STKLD1: variants seen among roughly 807,000 people sequenced by gnomAD.
The protein encoded by STKLD1 is serine/threonine kinase-like domain-containing protein STKLD1.
Under a neutral mutation model 80.4 loss-of-function variants are expected in STKLD1, and 79 were observed. That is an observed-to-expected ratio of 0.98 (90% CI 0.82 to 1.19). The LOEUF is 1.19. STKLD1 is among the 50% of genes most tolerant of loss of function. STKLD1 has a pLI of 0.00. For missense variants in STKLD1, 841 were observed against 856.0 expected (o/e 0.98, Z 0.22); for synonymous variants, 393 against 357.6 (o/e 1.10, Z -1.12).
rs782114570 is a variant in STKLD1, at chr9:133,390,831, G to A, written c.583+35G>A. On this transcript the variant is annotated intron_variant, in intron 7 of 17. Coordinates refer to ENST00000371957, the MANE Select transcript of STKLD1 (RefSeq NM_153710.5). This position sits in a 1 kb window ranked among gnomAD's most constrained non-coding sequence, Gnocchi z 5.1. ...GCTCCCCCAGGTTGTGGGAGAGGGG[G>A]TTGGCGCCTAGAATCCAGGCGGCGT... The A allele has an allele frequency of 2.6e-6, 4 of 1,563,062 alleles. No homozygotes were observed. The African/African-American group carries it at 4.1e-5, about 16-fold the overall frequency.
chr9:133,395,734 G>C lies in STKLD1; in HGVS notation c.837G>C (p.Gln279His), dbSNP rs1564381698. 5 of 1,613,550 alleles carry C rather than the reference G, an allele frequency of 3.1e-6. No homozygotes were observed. Among genetic ancestry groups the C allele is most frequent in the Non-Finnish European group, 4.2e-6 (5 of 1,180,002 alleles). ...TFRNLLPLML[Q>H]IDPSDRITIK... The stretch of plus-strand genomic sequence containing the variant: ...GGAATCTTCTGCCCTTGATGCTCCA[G>C]ATCGACCCCTCGGATCGAATAACGA... Residue 279 changes from glutamine to histidine, a missense_variant, in exon 9 of 18, where the codon CAG becomes CAC. Physicochemically the swap from Gln to His is conservative, Grantham distance 24. Transcript: ENST00000371957.
chr9:133,378,265 C>T (rs974460947), intron 1 of STKLD1, among the ~76,000 whole-genome samples: 2 of 152,180 alleles, frequency 1.3e-5, no homozygotes, highest in African/African-American at 2.4e-5. Flanking sequence ...TCCGAGAGTC[C>T]CTAGGCTCAG....
intron 4 of STKLD1, 129 bp from the exon 5 acceptor site, chr9:133,387,318 C>G (rs1838286061): frequency 1.5e-6 from 1 of 654,794 alleles, no homozygotes; most frequent in Admixed American, 2.8e-5. Flanking sequence ...CTTGTAGCCC[C>G]CTCCAGTGGG....
chr9:133,404,865 C>G lies in STKLD1; in HGVS notation c.1809C>G (p.Leu603=). ...GLSLIKETYQ[L]HRDDPEVVEN... Reference sequence around the variant, plus strand: ...GCCTCATCAAGGAGACCTACCAGCTCCACAGGGACGACCCGGAGGTGGTGG... The same window carrying G: ...GCCTCATCAAGGAGACCTACCAGCTGCACAGGGACGACCCGGAGGTGGTGG... The change falls in exon 17 of 18, where the codon CTC becomes CTG. Residue 603 remains leucine (L), a synonymous_variant. Transcript: ENST00000371957. The G allele has an allele frequency of 6.2e-7, 1 of 1,613,244 alleles. No individual in the cohort carries two copies. Among genetic ancestry groups the G allele is most frequent in the Non-Finnish European group, 8.5e-7 (1 of 1,179,734 alleles).
At position 133,401,839 on chromosome 9, in the gene STKLD1, G is replaced by A; in HGVS notation, c.1300G>A (p.Val434Ile). The A allele has an allele frequency of 2.5e-6, 4 of 1,613,698 alleles. No individual in the cohort carries two copies. The highest frequency in any genetic ancestry group is 2.2e-5 in the East Asian group (1 of 44,880). ...CCACCCCGAGGAGGAGCCACTTCTT[G>A]TCATGGTCTACAGCCTGCTAGCCAT... ...QSHPEEEPLLVMVYSLLAITT... is the reference protein window; with the variant it reads ...QSHPEEEPLLIMVYSLLAITT... Residue 434 changes from valine to isoleucine, a missense_variant, in exon 13 of 18, where the codon GTC (valine) becomes ATC (isoleucine). Physicochemically the swap from Val to Ile is conservative, Grantham distance 29 (BLOSUM62 3). Coordinates refer to ENST00000371957, the MANE Select transcript of STKLD1 (RefSeq NM_153710.5).
At position 133,389,155 on chromosome 9, in the gene STKLD1, G is replaced by A. The variant is rs1183349714; in HGVS notation, c.397-371G>A. 1.3e-5 allele frequency: 13 copies of A among 985,264 alleles called. No individual in the cohort carries two copies. The highest frequency in any genetic ancestry group is 6.1e-5 in the Admixed American group (1 of 16,268). The allele number at this position is 985,264 out of a possible 1,614,324, so 61.0% of individuals were successfully genotyped here. ...TGACCTAGAGGATTGAGCTCATGTA[G>A]GCACTGAAGGCTTCCACCTCTCCCA... On this transcript the variant is annotated intron_variant, in intron 5 of 17. Transcript: ENST00000371957. This position sits in a 1 kb window ranked among gnomAD's most constrained non-coding sequence, Gnocchi z 6.4.
chr9:133,400,376 C>A, intron 11 of STKLD1, 37 bp from the exon 12 acceptor site: 1 of 1,552,068 alleles, frequency 6.4e-7, no homozygotes, highest in Non-Finnish European at 8.9e-7. Context: ...CCGATCTGGC[C>A]CAAAATGAGT....
Position 133,397,227 on chromosome 9 carries a change from G to C in STKLD1, c.930G>C (p.Leu310=), listed in dbSNP as rs782083225. The C allele has an allele frequency of 6.2e-7, 1 of 1,613,802 alleles. No homozygotes were observed. Among genetic ancestry groups the C allele is most frequent in the Non-Finnish European group, 8.5e-7 (1 of 1,180,014 alleles). The change falls in exon 10 of 18, where the codon CTG becomes CTC. Residue 310 remains leucine, a synonymous_variant. Transcript: ENST00000371957. ...SFKSSCVSLT[L]HRQMVPASIT... ...AGTCCTCGTGCGTCTCTCTGACCCT[G>C]CACCGGCAGATGGTGCCTGCGTCCA...
Position 133,402,881 on chromosome 9 carries a change from CAG to C in STKLD1, c.1346_1347del (p.Glu449ValfsTer94), listed in dbSNP as rs782635860. 11 of 1,596,680 alleles carry C rather than the reference CAG, an allele frequency of 6.9e-6. No individual in the cohort carries two copies. The highest frequency in any genetic ancestry group is 5.4e-5 in the African/African-American group (4 of 74,708). On this transcript the variant is annotated frameshift_variant, in exon 14 of 18. Transcript: ENST00000371957. LOFTEE classifies it high-confidence loss of function. The stretch of plus-strand genomic sequence containing the variant: ...CCTCATTCTGGCTCACCCACAGAGT[CAG>C]AGTCACTGTCAGAGGAGCTGCAGAA...
chr9:133,380,631 T>C (rs2119205834), intron 2 of STKLD1, among the ~76,000 whole-genome samples: 1 of 152,150 alleles, frequency 6.6e-6, no homozygotes, highest in East Asian at 1.9e-4. Flanking sequence ...CCAGCCTGGG[T>C]GACACAGCGA....
chr9:133,404,897 T>G lies in STKLD1; in HGVS notation c.1841T>G (p.Val614Gly). 1 of 1,613,362 alleles carries G rather than the reference T, an allele frequency of 6.2e-7. No individual in the cohort carries two copies. The highest frequency in any genetic ancestry group is 8.5e-7 in the Non-Finnish European group (1 of 1,179,818). Residue 614 changes from valine (V) to glycine (G), a missense_variant, in exon 17 of 18, where the codon GTG (valine) becomes GGG (glycine). Coordinates refer to ENST00000371957, the MANE Select transcript of STKLD1 (RefSeq NM_153710.5). ...GACGACCCGGAGGTGGTGGAGAACG[T>G]GGGCATGCTGCTGGTCCACCTGGCT... ...HRDDPEVVEN[V>G]GMLLVHLASY...
chr9:133,377,749 C>T (rs2130255515), intron 1 of STKLD1, among the ~76,000 whole-genome samples: 9 of 152,122 alleles, frequency 5.9e-5, no homozygotes, highest in Admixed American at 1.3e-4. Flanking sequence ...CAGATGGAGG[C>T]GGGAGGATGG....
In STKLD1 at chr9:133,404,946, A is replaced by G. The variant is rs35348753; in HGVS notation, c.1873+17A>G. 0.083 allele frequency: 134,352 copies of G among 1,610,792 alleles called. 6,416 individuals carry two copies. The highest frequency in any genetic ancestry group is 0.18 in the African/African-American group (13,567 of 74,596). On this transcript the variant is annotated intron_variant, in intron 17 of 17. Transcript: ENST00000371957. ...CTTCCTATGGTGAGAACCCCTTCTC[A>G]CCTCACACTCCCTAGAGCCCAGCGG...
chr9:133,394,161 C>T lies in STKLD1; in HGVS notation c.584-130C>T. 1.4e-6 allele frequency: 1 copy of T among 697,582 alleles called. No individual in the cohort carries two copies. The highest frequency in any genetic ancestry group is 2.6e-6 in the Non-Finnish European group (1 of 380,834). 43.2% of individuals were successfully genotyped at this position (697,582 alleles called of 1,614,324 possible). ...CCACCTCTTCTGAGAAGAGGACCTG[C>T]AGGGCTTGTGTTTCAAGCTGCTTGC... On this transcript the variant is annotated intron_variant, in intron 7 of 17. Coordinates refer to ENST00000371957, the MANE Select transcript of STKLD1 (RefSeq NM_153710.5). The surrounding 1 kb of genome is among the most constrained non-coding windows in gnomAD (Gnocchi z 4.9).
chr9:133,390,447 C>T lies in STKLD1; in HGVS notation c.468-234C>T, dbSNP rs2130286614. On this transcript the variant is annotated intron_variant, in intron 6 of 17. Coordinates refer to ENST00000371957, the MANE Select transcript of STKLD1 (RefSeq NM_153710.5). The surrounding 1 kb of genome is among the most constrained non-coding windows in gnomAD (Gnocchi z 5.1). The stretch of plus-strand genomic sequence containing the variant: ...TACTTGTGGTTGAGGATTTTTCCCC[C>T]GATTTAAAATAATTGAGTATATTTC... Among the ~76,000 whole-genome samples the T allele has an allele frequency of 6.6e-6, 1 of 152,092 alleles. No homozygotes were observed. The highest frequency in any genetic ancestry group is 1.9e-4 in the East Asian group (1 of 5,186).
In STKLD1 at chr9:133,384,053, G is replaced by A. The variant is rs1414699960; in HGVS notation, c.219+153G>A. 1.3e-5 allele frequency: 9 copies of A among 696,334 alleles called. No homozygotes were observed. The highest frequency in any genetic ancestry group is 2.3e-5 in the Non-Finnish European group (9 of 398,536). The allele number at this position is 696,334 out of a possible 1,614,324, so 43.1% of individuals were successfully genotyped here. A position where few individuals can be genotyped will look rare whatever the true frequency, so the allele number is the denominator to read the frequency against. ...TTTTGCCTCAGCTGTGAAGCCAGCA[G>A]CCCCAGGTCATGAAGGGAGTCCATG... is the stretch of plus-strand genomic sequence containing the variant. On this transcript the variant is annotated intron_variant, in intron 3 of 17. Coordinates refer to ENST00000371957, the MANE Select transcript of STKLD1 (RefSeq NM_153710.5). The surrounding 1 kb of genome is among the most constrained non-coding windows in gnomAD (Gnocchi z 4.3).
intron 12 of STKLD1, 64 bp from the exon 13 acceptor site, chr9:133,401,672 TTG>T (rs1838709883): frequency 5.4e-6 from 7 of 1,285,284 alleles, no homozygotes; most frequent in East Asian, 2.5e-5. Context: ...CCTGTGAGCC[TTG>T]TGTGTCTGGC....
intron 2 of STKLD1, among the ~76,000 whole-genome samples, chr9:133,383,431 G>A (rs1287081736): frequency 7.9e-6 from 1 of 125,890 alleles, no homozygotes; most frequent in African/African-American, 2.9e-5. Flanking sequence ...TGATGGTGAT[G>A]ATAGTGGTGA....
rs587625095 is a variant in STKLD1 at position 133,404,681 on chromosome 9, C to T, written c.1733-108C>T. On this transcript the variant is annotated intron_variant, in intron 16 of 17. Coordinates refer to ENST00000371957, the MANE Select transcript of STKLD1 (RefSeq NM_153710.5). ...GGCCTCCTGGGTCCCGTCTCTTGTC[C>T]TGTCCCAGGCCCCTGTGTGAGCTCT... The T allele has an allele frequency of 1.5e-3, 2,218 of 1,470,740 alleles. 6 individuals are homozygous for T. The highest frequency in any genetic ancestry group is 8.6e-3 in the Middle Eastern group (36 of 4,206). 91.1% of individuals were successfully genotyped at this position (1,470,740 alleles called of 1,614,324 possible). A position where few individuals can be genotyped will look rare whatever the true frequency, so the allele number is the denominator to read the frequency against.
Sources: allele counts gnomAD v4.1 joint callset (sites outside exome capture counted in the v4.1 genomes callset), GRCh38; gene constraint gnomAD v4.1.1; non-coding constraint Gnocchi (gnomAD v3.1); transcripts MANE v1.5; gene names NCBI Gene and HGNC (gene_info 2026-07-23, HGNC 2026-07-21).